The following UHMK1 variants were observed in gnomAD, a reference collection of about 807,000 sequenced individuals.
The protein encoded by UHMK1 is serine/threonine-protein kinase Kist.
In UHMK1, 18 loss-of-function variants were observed where a neutral mutation model predicts 44.0. The ratio of observed to expected loss-of-function variants is 0.41; its 90% CI spans 0.28 to 0.61. UHMK1 has a LOEUF of 0.61. Among genes scored for constraint, UHMK1 ranks in the 20% least tolerant of loss-of-function variants. The pLI, the probability that UHMK1 is intolerant of heterozygous loss-of-function variation, is 0.31. For missense variants in UHMK1, 463 were observed against 522.5 expected, an observed-to-expected ratio of 0.89 and a Z score of 1.11; for synonymous variants, 231 against 198.5, an observed-to-expected ratio of 1.16 and a Z score of -1.38.
rs1652261387 is a variant in UHMK1 at position 162,526,654 on chromosome 1, A to G, written c.*4104A>G. On this transcript the variant is annotated 3_prime_UTR_variant, in exon 8 of 8. Coordinates refer to ENST00000489294, the MANE Select transcript of UHMK1 (RefSeq NM_175866.5). The stretch of plus-strand genomic sequence containing the variant: ...TAAAAGTCCAAAATTTTCTGGGTTT[A>G]CCTTTGTTTTATTTTTCATATATAT... The G allele has an allele frequency of 6.6e-6, 1 of 151,986 alleles. No homozygotes were observed. Among genetic ancestry groups the G allele is most frequent in the Admixed American group, 6.6e-5 (1 of 15,258 alleles). The allele number at this position is 151,986 out of a possible 1,614,324, so 9.4% of individuals were successfully genotyped here.
rs940509281 is a variant in UHMK1, at chr1:162,527,298, A to G, written c.*4748A>G. 2 of 152,090 alleles carry G rather than the reference A, an allele frequency of 1.3e-5. No homozygotes were observed. The highest frequency in any genetic ancestry group is 2.9e-5 in the Non-Finnish European group (2 of 67,942). The allele number at this position is 152,090 out of a possible 1,614,324, so 9.4% of individuals were successfully genotyped here. On this transcript the variant is annotated 3_prime_UTR_variant, in exon 8 of 8. Transcript: ENST00000489294. The stretch of plus-strand genomic sequence containing the variant: ...GACCAGTAGATTCACAGTAGCATGT[A>G]CTTGACAAGTGCCATGGATATTTAA...
At chr1:162,499,357 G>A (rs1231796948) in intron 1 of UHMK1, among the ~76,000 whole-genome samples, 2 of 151,994 alleles carry the variant, frequency 1.3e-5, no homozygotes, top group Non-Finnish European at 2.9e-5. Flanking sequence ...GTAGAGAAGA[G>A]GTCCCCTTTT....
In UHMK1 at chr1:162,512,387, C is replaced by G. The variant is rs1651697299; in HGVS notation, c.849-113C>G. The stretch of plus-strand genomic sequence containing the variant: ...TTTATAAGTGAATGATTCAATAAAT[C>G]ATGCTAATATAATTAATGCTGTGAT... On this transcript the variant is annotated intron_variant, in intron 4 of 7. Coordinates refer to ENST00000489294, the MANE Select transcript of UHMK1 (RefSeq NM_175866.5). 6.1e-6 allele frequency: 5 copies of G among 819,204 alleles called. No individual in the cohort carries two copies. In the South Asian group the frequency reaches 9.0e-5, roughly 15 times the overall value. 50.7% of individuals were successfully genotyped at this position (819,204 alleles called of 1,614,324 possible). A position where few individuals can be genotyped will look rare whatever the true frequency, so the allele number is the denominator to read the frequency against.
chr1:162,514,700 G>A (rs979184037), intron 6 of UHMK1, among the ~76,000 whole-genome samples: 2 of 152,194 alleles, frequency 1.3e-5, no homozygotes, highest in African/African-American at 4.8e-5. Flanking sequence ...AGGCAGGTTG[G>A]GGTTTTGCAT....
intron 3 of UHMK1, 87 bp from the exon 4 acceptor site, chr1:162,503,667 C>G (rs1383240611): frequency 1.3e-6 from 1 of 757,346 alleles, no homozygotes; most frequent in Non-Finnish European, 2.1e-6. Context: ...TTTTCTGTTG[C>G]ATTTTACTCT....
intron 6 of UHMK1, among the ~76,000 whole-genome samples, chr1:162,517,569 A>G (rs1651875583): frequency 6.6e-6 from 1 of 152,106 alleles, no homozygotes; most frequent in Non-Finnish European, 1.5e-5. Context: ...TTGCTTGTAT[A>G]TAAGTTTATA....
At chr1:162,504,045 CTTT>C (rs1651377788) in intron 4 of UHMK1, among the ~76,000 whole-genome samples, 197 bp downstream of exon 4, 1 of 152,126 alleles carries the variant, frequency 6.6e-6, no homozygotes, top group African/African-American at 2.4e-5. Context: ...TGGCAGCTGC[CTTT>C]TCACTGGAAG....
chr1:162,502,497 T>C (rs1023757639), intron 3 of UHMK1, among the ~76,000 whole-genome samples: 2 of 152,208 alleles, frequency 1.3e-5, no homozygotes, highest in Non-Finnish European at 2.9e-5. Flanking sequence ...GTATTCTTTC[T>C]TGGTGCTAAT....
chr1:162,522,367 G>C (rs770086037), intron 7 of UHMK1, 37 bp from the exon 8 acceptor site: 6 of 1,609,908 alleles, frequency 3.7e-6, no homozygotes. Context: ...AACAATCTTG[G>C]TGGAAATGAA....
chr1:162,522,255 A>G (rs1652085012), intron 7 of UHMK1, 149 bp from the exon 8 acceptor site: 4 of 805,806 alleles, frequency 5.0e-6, no homozygotes, highest in Non-Finnish European at 7.7e-6. Flanking sequence ...TGTTTAGAAC[A>G]GAAACTCAGG....
At chr1:162,503,653 A>G in intron 3 of UHMK1, 101 bp from the exon 4 acceptor site, 3 of 603,508 alleles carry the variant, frequency 5.0e-6, no homozygotes, top group Non-Finnish European at 8.5e-6. Context: ...CTCAGAAGAT[A>G]GTGTTTTCTG....
rs1651206551 is a variant in UHMK1 at position 162,499,979 on chromosome 1, T to C, written c.293T>C (p.Ile98Thr). Residue 98 changes from isoleucine (I) to threonine (T), a missense_variant, in exon 2 of 8, where the codon ATC becomes ACC. Ile to Thr is a moderately conservative substitution (Grantham distance 89). Around this residue, in one of 3 missense-constraint regions of UHMK1, gnomAD observed 191 missense variants for 176.0 expected, o/e 1.09. Transcript: ENST00000489294. ...GTGACTTTGTATGGAGTGTTTACAATCCACTTTTCTCCAAATGTGCCATCA... is the reference window on the plus strand; with the variant it reads ...GTGACTTTGTATGGAGTGTTTACAACCCACTTTTCTCCAAATGTGCCATCA... ...NIVTLYGVFT[I>T]HFSPNVPSRC... is the part of the protein sequence containing the mutation. The C allele has an allele frequency of 1.2e-6, 2 of 1,614,230 alleles. No homozygotes were observed. The highest frequency in any genetic ancestry group is 1.7e-6 in the Non-Finnish European group (2 of 1,180,052).
rs1652266406 is a variant in UHMK1, at chr1:162,526,793, T to C, written c.*4243T>C. 6.6e-6 allele frequency: 1 copy of C among 152,162 alleles called. No homozygotes were observed. The allele number at this position is 152,162 out of a possible 1,614,324, so 9.4% of individuals were successfully genotyped here. ...ATATGATGGAAAAGCCAGAATTGTCTGGCAGAATTTAATTCTTCCTTGGAT... is the reference window on the plus strand; with the variant it reads ...ATATGATGGAAAAGCCAGAATTGTCCGGCAGAATTTAATTCTTCCTTGGAT... On this transcript the variant is annotated 3_prime_UTR_variant, in exon 8 of 8. Coordinates refer to ENST00000489294, the MANE Select transcript of UHMK1 (RefSeq NM_175866.5).
chr1:162,528,243 GGA>G lies in UHMK1; in HGVS notation c.*5700_*5701del, dbSNP rs1652316407. ...AGATTGCCAATTTTAAGAGTAAAGAGGAGAGAGATAAGTAATAAAAATAGAGG... is the reference window on the plus strand; with the variant it reads ...AGATTGCCAATTTTAAGAGTAAAGAGGAGAGATAAGTAATAAAAATAGAGG... On this transcript the variant is annotated 3_prime_UTR_variant, in exon 8 of 8. Transcript: ENST00000489294. 6.6e-6 allele frequency: 1 copy of G among 151,934 alleles called. No individual in the cohort carries two copies. Among genetic ancestry groups the G allele is most frequent in the South Asian group, 2.1e-4 (1 of 4,830 alleles). The allele number at this position is 151,934 out of a possible 1,614,324, so 9.4% of individuals were successfully genotyped here. A position where few individuals can be genotyped will look rare whatever the true frequency, so the allele number is the denominator to read the frequency against.
At chr1:162,510,988 G>C (rs1651644835) in intron 4 of UHMK1, among the ~76,000 whole-genome samples, 1 of 151,842 alleles carries the variant, frequency 6.6e-6, no homozygotes, top group Non-Finnish European at 1.5e-5. Context: ...TATTGTAATA[G>C]GTATGAGGTG....
chr1:162,497,895 T>C lies in UHMK1; in HGVS notation c.-106T>C. 1 of 1,421,366 alleles carries C rather than the reference T, an allele frequency of 7.0e-7. No homozygotes were observed. Among genetic ancestry groups the C allele is most frequent in the Admixed American group, 2.9e-5 (1 of 34,514 alleles). 88.0% of individuals were successfully genotyped at this position (1,421,366 alleles called of 1,614,324 possible). On this transcript the variant is annotated 5_prime_UTR_variant, in exon 1 of 8. Transcript: ENST00000489294. The stretch of plus-strand genomic sequence containing the variant: ...AGTCGGTGAGGCGGCTGCAGGTCCC[T>C]CCCTGCGGAGCCGCTGGTCCGGCTG...
intron 4 of UHMK1, among the ~76,000 whole-genome samples, chr1:162,509,246 T>C (rs911059355): frequency 5.3e-5 from 8 of 152,190 alleles, no homozygotes; most frequent in Non-Finnish European, 1.0e-4. Flanking sequence ...TCCTGGCTCT[T>C]CTCTTCTGCT....
At chr1:162,512,473 G>C (rs1434084922) in intron 4 of UHMK1, 27 bp from the exon 5 acceptor site, 1 of 1,577,574 alleles carries the variant, frequency 6.3e-7, no homozygotes, top group Non-Finnish European at 8.6e-7. Flanking sequence ...CAGCAGAAAT[G>C]ATAAGGCACC....
chr1:162,518,240 C>T, intron 7 of UHMK1, 50 bp downstream of exon 7: 2 of 1,393,732 alleles, frequency 1.4e-6, no homozygotes, highest in Non-Finnish European at 2.0e-6. Flanking sequence ...TATTAAAATT[C>T]TGTGTTAAAT....
Sources: gnomAD v4.1 joint callset for allele counts (sites outside exome capture counted in the v4.1 genomes callset) on GRCh38, gnomAD v4.1.1 for gene constraint, gnomAD v4.1.1 regional missense constraint, MANE v1.5 for transcripts, NCBI Gene and HGNC (gene_info 2026-07-23, HGNC 2026-07-21) for gene names.